LTBP1: variants seen among roughly 807,000 people sequenced by gnomAD.
LTBP1 encodes the protein latent-transforming growth factor beta-binding protein 1.
A neutral mutation model predicts 207.6 loss-of-function variants in LTBP1; 129 were observed. The ratio of observed to expected loss-of-function variants is 0.62; its 90% CI spans 0.54 to 0.72. The LOEUF is 0.72. Ranked by LOEUF, LTBP1 falls within the 30% of genes least tolerant of loss-of-function variation. LTBP1 has a pLI of 0.00. For missense variants in LTBP1, 2,281 were observed against 2,217.2 expected, an observed-to-expected ratio of 1.03 and a Z score of -0.58; for synonymous variants, 963 against 833.7, an observed-to-expected ratio of 1.16 and a Z score of -2.67.
At chr2:33,330,889 T>G (rs2094485815) in intron 24 of LTBP1, among the ~76,000 whole-genome samples, 1 of 151,838 alleles carries the variant, frequency 6.6e-6, no homozygotes, top group Admixed American at 6.6e-5. Flanking sequence ...TTTTGTTTCC[T>G]TTTGTTTTTG....
chr2:33,088,411 C>T (rs2078879052), intron 3 of LTBP1, among the ~76,000 whole-genome samples: 1 of 152,028 alleles, frequency 6.6e-6, no homozygotes, highest in African/African-American at 2.4e-5. Flanking sequence ...GAGATCATGC[C>T]ACTGCACTTC....
intron 25 of LTBP1, among the ~76,000 whole-genome samples, chr2:33,346,314 A>G (rs1261084194): frequency 6.6e-6 from 1 of 152,226 alleles, no homozygotes; most frequent in Non-Finnish European, 1.5e-5. Context: ...ATATTTAAGT[A>G]TATTTTAAAA....
intron 26 of LTBP1, among the ~76,000 whole-genome samples, chr2:33,353,446 C>T (rs1472712055): frequency 6.6e-6 from 1 of 152,216 alleles, no homozygotes; most frequent in Non-Finnish European, 1.5e-5. Flanking sequence ...GTCTTATTCT[C>T]TCTGCATCCA....
chr2:33,168,150 C>T (rs1026194127), intron 5 of LTBP1, among the ~76,000 whole-genome samples: 1 of 151,924 alleles, frequency 6.6e-6, no homozygotes, highest in Non-Finnish European at 1.5e-5. Context: ...GAAGCTGAGG[C>T]GGGAGGATTG....
rs1480815537 is a variant in LTBP1, at chr2:32,947,645, G to C, written c.321G>C (p.Glu107Asp). 2.1e-5 allele frequency: 29 copies of C among 1,393,334 alleles called. No homozygotes were observed. Among genetic ancestry groups the C allele is most frequent in the Admixed American group, 3.2e-5 (1 of 31,630 alleles). The allele number at this position is 1,393,334 out of a possible 1,614,324, so 86.3% of individuals were successfully genotyped here. ...GLRPPPPPPP[E>D]PARPAVPGGQ... ...GACCGCCGCCGCCGCCGCCGCCGGA[G>C]CCTGCGCGTCCCGCGGTCCCCGGCG... The change falls in exon 1 of 34, where the codon GAG (glutamate) becomes GAC (aspartate). Residue 107 changes from glutamate to aspartate, a missense_variant. Physicochemically the swap from Glu to Asp is conservative, Grantham distance 45. This residue lies in a region of LTBP1 where 555 missense variants were observed against 491.0 expected (regional missense o/e 1.13). Coordinates refer to ENST00000404816, the MANE Select transcript of LTBP1 (RefSeq NM_206943.4).
At chr2:33,065,965 G>A (rs1329674001) in intron 3 of LTBP1, among the ~76,000 whole-genome samples, 3 of 152,034 alleles carry the variant, frequency 2.0e-5, no homozygotes, top group African/African-American at 7.2e-5. Context: ...ATAACAGTGA[G>A]GTTAAATAGT....
intron 7 of LTBP1, among the ~76,000 whole-genome samples, chr2:33,191,366 T>C (rs978374922): frequency 1.3e-5 from 2 of 152,214 alleles, no homozygotes; most frequent in African/African-American, 4.8e-5. Flanking sequence ...TCTCTGACTT[T>C]TGGTCTAAAA....
At chr2:33,166,293 A>G (rs909009994) in intron 5 of LTBP1, among the ~76,000 whole-genome samples, 1 of 152,188 alleles carries the variant, frequency 6.6e-6, no homozygotes, top group Non-Finnish European at 1.5e-5. Flanking sequence ...ATCTAGCCAT[A>G]AAAGGAAAGG....
Position 33,395,905 on chromosome 2 carries a change from A to ATTTTTTTTTTTTTTTTTTTTTTTT in LTBP1, c.4835-1227_4835-1226insTTTTTTTTTTTTTTTTTTTTTTTT, listed in dbSNP as rs376980446. Among the ~76,000 whole-genome samples, 2 of 144,388 alleles carry ATTTTTTTTTTTTTTTTTTTTTTTT rather than the reference A, an allele frequency of 1.4e-5. 1 individual carries two copies. 94.7% of individuals were successfully genotyped at this position (144,388 alleles called of 152,430 possible). On this transcript the variant is annotated intron_variant, in intron 32 of 33. Transcript: ENST00000404816. Reference sequence around the variant, plus strand: ...AGGCCAGATAGAAAGTTCTAGCCATATATTTTTTTTTTTTTTGAAGCTACT... The same window carrying ATTTTTTTTTTTTTTTTTTTTTTTT: ...AGGCCAGATAGAAAGTTCTAGCCATATTTTTTTTTTTTTTTTTTTTTTTTTATTTTTTTTTTTTTTGAAGCTACT...
chr2:33,359,727 CAGGAG>C (rs1026213421), intron 26 of LTBP1, among the ~76,000 whole-genome samples: 1 of 152,126 alleles, frequency 6.6e-6, no homozygotes, highest in Non-Finnish European at 1.5e-5. Flanking sequence ...CCATAGTATA[CAGGAG>C]AGAAGGGATG....
chr2:32,979,079 G>C (rs969823037), intron 2 of LTBP1, among the ~76,000 whole-genome samples: 2 of 150,712 alleles, frequency 1.3e-5, no homozygotes, highest in Non-Finnish European at 3.0e-5. Context: ...ATTTATTTGG[G>C]TCTCCTCTTT....
intron 9 of LTBP1, among the ~76,000 whole-genome samples, chr2:33,226,953 T>C (rs936693565): frequency 6.6e-6 from 1 of 152,208 alleles, no homozygotes; most frequent in African/African-American, 2.4e-5. Context: ...TCAGGAATTT[T>C]TTTGTTCTTT....
At chr2:33,028,976 A>G (rs909272114) in intron 3 of LTBP1, among the ~76,000 whole-genome samples, 2 of 152,186 alleles carry the variant, frequency 1.3e-5, no homozygotes, top group African/African-American at 4.8e-5. Context: ...TATTCAATTA[A>G]ATATTGATAT....
rs117794932 is a variant in LTBP1, at chr2:32,990,376, C to T, written c.566-30533C>T. 2.3e-3 allele frequency among the ~76,000 whole-genome samples: 356 copies of T among 152,164 alleles called. 7 individuals are homozygous for T. In the East Asian group the frequency reaches 0.04, roughly 17 times the overall value. ...TATCTCAAATTACATGGAAGCAAAG[C>T]GTAGGGTATTAATTTTTTTAATGTA... is the stretch of plus-strand genomic sequence containing the variant. On this transcript the variant is annotated intron_variant, in intron 2 of 33. Transcript: ENST00000404816.
intron 5 of LTBP1, among the ~76,000 whole-genome samples, chr2:33,168,696 G>C (rs1406578913): frequency 6.6e-6 from 1 of 151,304 alleles, no homozygotes; most frequent in Non-Finnish European, 1.5e-5. Flanking sequence ...AAAAAAAAAA[G>C]GCATCAGGAG....
chr2:32,994,444 G>A (rs185014711), intron 2 of LTBP1, among the ~76,000 whole-genome samples: 6 of 151,764 alleles, frequency 4.0e-5, no homozygotes, highest in Admixed American at 3.9e-4. Flanking sequence ...CTCAGAGTCT[G>A]CACGCTTATC....
At chr2:33,359,881 A>G (rs185520357) in intron 26 of LTBP1, among the ~76,000 whole-genome samples, 27 of 152,302 alleles carry the variant, frequency 1.8e-4, no homozygotes, top group African/African-American at 6.0e-4. Context: ...TATTGTTTGT[A>G]TTCTTTCATA....
In LTBP1 at chr2:33,277,853, A is replaced by G. The variant is rs191192450; in HGVS notation, c.2992+1930A>G. 5.2e-3 allele frequency among the ~76,000 whole-genome samples: 489 copies of G among 93,458 alleles called. 3 individuals carry two copies. The highest frequency in any genetic ancestry group is 0.011 in the Admixed American group (84 of 7,398). The allele number at this position is 93,458 out of a possible 152,430, so 61.3% of individuals were successfully genotyped here. On this transcript the variant is annotated intron_variant, in intron 18 of 33. Coordinates refer to ENST00000404816, the MANE Select transcript of LTBP1 (RefSeq NM_206943.4). ...TCTTTTTTTTTTTTTTTTTTTAAAG[A>G]CAGTCTTGCTCTGTCGCCCAGGCTG...
chr2:33,050,790 A>G (rs576742026), intron 3 of LTBP1, among the ~76,000 whole-genome samples: 1 of 151,338 alleles, frequency 6.6e-6, no homozygotes, highest in Non-Finnish European at 1.5e-5. Context: ...CTGGAGTGTA[A>G]TGGCATGATC....
Sources: gnomAD v4.1 joint callset for allele counts (sites outside exome capture counted in the v4.1 genomes callset) on GRCh38, gnomAD v4.1.1 for gene constraint, gnomAD v4.1.1 regional missense constraint, MANE v1.5 for transcripts, NCBI Gene and HGNC (gene_info 2026-07-23, HGNC 2026-07-21) for gene names.